Variants in FGD4 observed in about 807,000 individuals in gnomAD.
FGD4 encodes FYVE, RhoGEF and PH domain-containing protein 4.
FGD4 carries 42 observed loss-of-function variants against 102.0 expected under a neutral mutation model. The ratio of observed to expected loss-of-function variants is 0.41; its 90% CI spans 0.32 to 0.53. The LOEUF is 0.53. FGD4 is among the 20% of genes least tolerant of loss of function. The pLI is 0.21. For missense variants in FGD4, 902 were observed against 1,078.2 expected (o/e 0.84, Z 2.29); for synonymous variants, 380 against 375.7 (o/e 1.01, Z -0.13).
intron 1 of FGD4, among the ~76,000 whole-genome samples, chr12:32,424,666 A>C (rs953532145): frequency 2.6e-5 from 4 of 152,182 alleles, no homozygotes; most frequent in Non-Finnish European, 4.4e-5. Flanking sequence ...ACAATGGTTG[A>C]ACTAATTTAC....
At chr12:32,590,892 A>G (rs1271278787) in intron 4 of FGD4, among the ~76,000 whole-genome samples, 1 of 152,252 alleles carries the variant, frequency 6.6e-6, no homozygotes, top group Non-Finnish European at 1.5e-5. Flanking sequence ...ATCACAGAAC[A>G]AAGATGTCTA....
intron 3 of FGD4, among the ~76,000 whole-genome samples, chr12:32,580,257 T>G (rs1946495999): frequency 6.6e-6 from 1 of 152,192 alleles, no homozygotes; most frequent in Non-Finnish European, 1.5e-5. Flanking sequence ...TCCCTGTCTT[T>G]GGAATTATTG....
At position 32,405,560 on chromosome 12, in the gene FGD4, A is replaced by C. The variant is rs146555375; in HGVS notation, c.166+5601A>C. On this transcript the variant is annotated intron_variant, in intron 1 of 16. Coordinates refer to ENST00000534526, the MANE Select transcript of FGD4 (RefSeq NM_001370298.3). ...AGGCGTGAGCCACTGCGCCCAGCCT[A>C]GTCAGTGGTCTTTTAATGAATAGCC... Among the ~76,000 whole-genome samples the C allele has an allele frequency of 4.9e-3, 743 of 152,210 alleles. 7 individuals are homozygous for C. Among genetic ancestry groups the C allele is most frequent in the African/African-American group, 0.013 (554 of 41,522 alleles).
rs11052037 is a variant in FGD4, at chr12:32,518,911, T to G, written c.167-45226T>G. ...AGGCAGATCACCTGATGTTGGGAGG[T>G]CGACACCAGCCTGACCAACATGGAG... On this transcript the variant is annotated intron_variant, in intron 1 of 16. Coordinates refer to ENST00000534526, the MANE Select transcript of FGD4 (RefSeq NM_001370298.3). Among the ~76,000 whole-genome samples the G allele has an allele frequency of 4.8e-4, 71 of 149,412 alleles. 1 individual carries two copies. In the East Asian group the frequency reaches 0.014, roughly 29 times the overall value.
rs12814482 is a variant in FGD4, at chr12:32,407,542, G to A, written c.166+7583G>A. On this transcript the variant is annotated intron_variant, in intron 1 of 16. Transcript: ENST00000534526. ...ACTTTGGTCCTGAGGACAGGTTGCC[G>A]AGATTTGCAGGAATAAGACAAGGAA... Among the ~76,000 whole-genome samples, 766 of 152,274 alleles carry A rather than the reference G, an allele frequency of 5.0e-3. 1 individual carries two copies. The highest frequency in any genetic ancestry group is 7.7e-3 in the Non-Finnish European group (526 of 68,032).
At chr12:32,418,493 A>G (rs547866545) in intron 1 of FGD4, among the ~76,000 whole-genome samples, 1 of 152,164 alleles carries the variant, frequency 6.6e-6, no homozygotes, top group South Asian at 2.1e-4. Flanking sequence ...ATCTTAGATA[A>G]GATCTGGAAG....
intron 1 of FGD4, among the ~76,000 whole-genome samples, chr12:32,546,082 G>A (rs537275986): frequency 3.9e-5 from 6 of 152,208 alleles, no homozygotes; most frequent in South Asian, 2.1e-4. Flanking sequence ...ATTTATTTCA[G>A]TTCATTTGGA....
At chr12:32,448,043 C>T (rs559160502) in intron 1 of FGD4, among the ~76,000 whole-genome samples, 32 of 152,274 alleles carry the variant, frequency 2.1e-4, no homozygotes, top group African/African-American at 7.2e-4. Context: ...TGGTACAAGA[C>T]GAACTGTTCA....
chr12:32,487,674 G>A (rs1290311912), intron 1 of FGD4, among the ~76,000 whole-genome samples: 1 of 152,138 alleles, frequency 6.6e-6, no homozygotes, highest in Non-Finnish European at 1.5e-5. Context: ...TGATCCACCC[G>A]CCTTTGCCTC....
At chr12:32,500,392 T>TTTTTTTTTATTTTATTTTA (rs1555189363) in intron 1 of FGD4, among the ~76,000 whole-genome samples, 3 of 135,274 alleles carry the variant, frequency 2.2e-5, no homozygotes, top group Admixed American at 7.6e-5. Context: ...TTTTATTTTA[T>TTTTTTTTTATTTTATTTTA]TTTTATTTTA....
chr12:32,627,328 G>A (rs1225122278), intron 14 of FGD4, among the ~76,000 whole-genome samples: 2 of 151,562 alleles, frequency 1.3e-5, no homozygotes, highest in Non-Finnish European at 2.9e-5. Flanking sequence ...CTAATTTTTT[G>A]TATCTTTAGT....
At chr12:32,576,557 A>C in intron 3 of FGD4, 108 bp downstream of exon 3, 32 of 1,302,988 alleles carry the variant, frequency 2.5e-5, no homozygotes, top group Non-Finnish European at 3.5e-5. Flanking sequence ...ATCTTATTCC[A>C]TTAGGTTTGG....
In FGD4 at chr12:32,623,365, T is replaced by G. The variant is rs371926365; in HGVS notation, c.1923-1057T>G. Among the ~76,000 whole-genome samples, 373 of 152,314 alleles carry G rather than the reference T, an allele frequency of 2.4e-3. 4 individuals are homozygous for G. The highest frequency in any genetic ancestry group is 8.2e-3 in the African/African-American group (339 of 41,572). ...AGTTTTTTAATTTAAAAAAAATTTTTTTTTTATTTTGAGAAGCAAGATTGA... is the reference window on the plus strand; with the variant it reads ...AGTTTTTTAATTTAAAAAAAATTTTGTTTTTATTTTGAGAAGCAAGATTGA... On this transcript the variant is annotated intron_variant, in intron 11 of 16. Coordinates refer to ENST00000534526, the MANE Select transcript of FGD4 (RefSeq NM_001370298.3).
chr12:32,574,684 C>T (rs1247436917), intron 2 of FGD4: 1 of 152,112 alleles, frequency 6.6e-6, no homozygotes, highest in African/African-American at 2.4e-5. Context: ...ACATTTCTTT[C>T]CTTCCCTATA....
chr12:32,557,007 C>T (rs957098110), intron 1 of FGD4: 5 of 152,156 alleles, frequency 3.3e-5, no homozygotes, highest in African/African-American at 1.2e-4. Flanking sequence ...TACCCACCAT[C>T]ATGACCAGCT....
At chr12:32,480,661 C>T (rs1328923453) in intron 1 of FGD4, among the ~76,000 whole-genome samples, 1 of 150,954 alleles carries the variant, frequency 6.6e-6, no homozygotes, top group Non-Finnish European at 1.5e-5. Context: ...CCACCATGGC[C>T]AGCTAATTTT....
intron 1 of FGD4, among the ~76,000 whole-genome samples, chr12:32,416,951 C>T (rs2136407923): frequency 6.6e-6 from 1 of 150,748 alleles, no homozygotes; most frequent in South Asian, 2.1e-4. Flanking sequence ...GGTTGGAGTG[C>T]AATGGCACAA....
chr12:32,439,720 T>G (rs761927971), intron 1 of FGD4, among the ~76,000 whole-genome samples: 1 of 152,196 alleles, frequency 6.6e-6, no homozygotes, highest in Non-Finnish European at 1.5e-5. Flanking sequence ...TTCTCCATGT[T>G]TGAGACATTC....
At chr12:32,595,314 G>C (rs1341436367) in intron 4 of FGD4, among the ~76,000 whole-genome samples, 1 of 152,114 alleles carries the variant, frequency 6.6e-6, no homozygotes, top group Non-Finnish European at 1.5e-5. Flanking sequence ...TCCTGCATAT[G>C]TATCATATAT....
Sources: allele counts gnomAD v4.1 joint callset (sites outside exome capture counted in the v4.1 genomes callset), GRCh38; gene constraint gnomAD v4.1.1; transcripts MANE v1.5; gene names NCBI Gene and HGNC (gene_info 2026-07-23, HGNC 2026-07-21).